Variants in ZNF606 observed in about 807,000 individuals in gnomAD.
ZNF606 encodes zinc finger protein 328.
In ZNF606, 37 loss-of-function variants were observed where a neutral mutation model predicts 74.9. That is an observed-to-expected ratio of 0.49 (90% CI 0.38 to 0.65). The LOEUF is 0.65. ZNF606 is among the 30% of genes least tolerant of loss of function. The pLI is 0.00. For synonymous variants in ZNF606, 328 were observed against 312.4 expected, an observed-to-expected ratio of 1.05 and a Z score of -0.53; for missense variants, 852 against 952.9, an observed-to-expected ratio of 0.89 and a Z score of 1.39.
chr19:57,982,976 C>T (rs1243499658), intron 6 of ZNF606, among the ~76,000 whole-genome samples: 2 of 142,958 alleles, frequency 1.4e-5, no homozygotes, highest in African/African-American at 5.2e-5. Flanking sequence ...AGGTTCTACT[C>T]TGCACAACTG....
chr19:58,000,444 C>T (rs1237562155), intron 3 of ZNF606: 5 of 609,470 alleles, frequency 8.2e-6, no homozygotes, highest in African/African-American at 5.5e-5. Flanking sequence ...CCAGGATGGT[C>T]TCGATCTCCT....
At chr19:57,985,998 T>C (rs2073158343) in intron 6 of ZNF606, among the ~76,000 whole-genome samples, 1 of 151,610 alleles carries the variant, frequency 6.6e-6, no homozygotes, top group African/African-American at 2.4e-5. Flanking sequence ...AGAGAAGAAA[T>C]TCATCACGTA....
rs1387895857 is a variant in ZNF606, at chr19:57,980,853, AAT to A, written c.401-576_401-575del. On this transcript the variant is annotated intron_variant, in intron 6 of 6. Transcript: ENST00000551380. ...CCGTCTCAAAAAAAAAAAAAAAAAA[AAT>A]GTGCAAGAAAGAGTTAACTCTGCAG... Among the ~76,000 whole-genome samples, 6 of 149,114 alleles carry A rather than the reference AAT, an allele frequency of 4.0e-5. No homozygotes were observed. The East Asian group carries it at 5.8e-4, about 14-fold the overall frequency.
chr19:57,987,422 A>C (rs2073180736), intron 6 of ZNF606, among the ~76,000 whole-genome samples: 1 of 151,976 alleles, frequency 6.6e-6, no homozygotes, highest in Admixed American at 6.6e-5. Flanking sequence ...TTTTTTAATA[A>C]AGGAGATTTT....
intron 6 of ZNF606, among the ~76,000 whole-genome samples, chr19:57,983,559 C>A (rs1482083852): frequency 1.8e-4 from 26 of 145,410 alleles, no homozygotes; most frequent in African/African-American, 6.1e-4. Context: ...GCCTGGGCAA[C>A]AAGGGCAAAA....
rs550660541 is a variant in ZNF606 at position 57,988,583 on chromosome 19, C to T, written c.304+12G>A. ...GGAACAGCTTCGTTTACTTGGGCAG[C>T]ACCTGCCTTACCCACAGAGAGCAGG... On this transcript the variant is annotated intron_variant, in intron 5 of 6. Transcript: ENST00000551380. 2 of 1,610,570 alleles carry T rather than the reference C, an allele frequency of 1.2e-6. No individual in the cohort carries two copies. Among genetic ancestry groups the T allele is most frequent in the Non-Finnish European group, 1.7e-6 (2 of 1,177,792 alleles).
At chr19:58,003,290 C>G (rs963135734), upstream of ZNF606, 3 of 456,628 alleles carry the variant, frequency 6.6e-6, no homozygotes, top group East Asian at 6.9e-5. Flanking sequence ...AAGTCTCTTT[C>G]CAGAGGCCAG....
chr19:57,985,694 C>T (rs968532759), intron 6 of ZNF606, among the ~76,000 whole-genome samples: 2 of 150,094 alleles, frequency 1.3e-5, no homozygotes, highest in South Asian at 2.1e-4. Flanking sequence ...TTTGGGAGGG[C>T]GAGGTGGGTG....
chr19:57,994,352 G>A (rs1361439812), intron 4 of ZNF606, among the ~76,000 whole-genome samples: 1 of 151,954 alleles, frequency 6.6e-6, no homozygotes, highest in Non-Finnish European at 1.5e-5. Flanking sequence ...GAAGAGCCCA[G>A]AAAGAGAACC....
chr19:57,995,790 G>C (rs1306102424), intron 4 of ZNF606, among the ~76,000 whole-genome samples: 2 of 152,242 alleles, frequency 1.3e-5, no homozygotes, highest in East Asian at 3.9e-4. Context: ...CTGCACTCCA[G>C]TATGGGCAAT....
chr19:57,993,731 C>T (rs2123322235), intron 4 of ZNF606, among the ~76,000 whole-genome samples: 1 of 152,368 alleles, frequency 6.6e-6, no homozygotes, highest in South Asian at 2.1e-4. Context: ...GAGACCTCTT[C>T]AGTCCCACCA....
Position 57,980,081 on chromosome 19 carries a change from A to G in ZNF606, c.599T>C (p.Met200Thr), listed in dbSNP as rs1358785633. ...TCTCTGGGATAGTACTTGCTTTTGC[A>G]TGAAGACCATCTGCCTCATAGCTGT... ...QSTAMRQMVF[M>T]QKQVLSQRSS... Residue 200 changes from methionine to threonine, a missense_variant, in exon 7 of 7, where the codon ATG (methionine) becomes ACG (threonine). Met to Thr is a moderately conservative substitution (Grantham distance 81). Transcript: ENST00000551380. 9 of 1,613,916 alleles carry G rather than the reference A, an allele frequency of 5.6e-6. No homozygotes were observed. The highest frequency in any genetic ancestry group is 6.8e-6 in the Non-Finnish European group (8 of 1,180,038).
intron 4 of ZNF606, among the ~76,000 whole-genome samples, chr19:57,994,242 G>A (rs1238028637): frequency 1.3e-5 from 2 of 151,990 alleles, no homozygotes; most frequent in African/African-American, 4.8e-5. Flanking sequence ...GCTGTGGTGA[G>A]AACATGATCA....
intron 4 of ZNF606, 99 bp from the exon 5 acceptor site, chr19:57,988,820 T>G: frequency 6.4e-7 from 1 of 1,573,954 alleles, no homozygotes; most frequent in Non-Finnish European, 8.6e-7. Flanking sequence ...GAAGACAGGA[T>G]GTAGAGAAAC....
intron 6 of ZNF606, among the ~76,000 whole-genome samples, chr19:57,984,898 T>C (rs2123284742): frequency 6.6e-6 from 1 of 152,188 alleles, no homozygotes. Context: ...ATCAAGACCA[T>C]CCTGGCTAAC....
At chr19:58,001,697 T>C (rs944810878) in intron 1 of ZNF606, among the ~76,000 whole-genome samples, 1 of 152,156 alleles carries the variant, frequency 6.6e-6, no homozygotes, top group Non-Finnish European at 1.5e-5. Context: ...CATATATTAG[T>C]GGTTGCCTAG....
At chr19:58,003,232 A>G (rs755017625), upstream of ZNF606, 1 of 456,548 alleles carries the variant, frequency 2.2e-6, no homozygotes, top group Non-Finnish European at 4.4e-6. Flanking sequence ...AATTCGAGCT[A>G]CCCTTCTCTG....
chr19:57,988,957 G>A (rs994888544), intron 4 of ZNF606, among the ~76,000 whole-genome samples: 7 of 152,158 alleles, frequency 4.6e-5, no homozygotes, highest in African/African-American at 1.7e-4. Flanking sequence ...CAGCAAAGCT[G>A]AGCAGGTCTC....
rs773157633 is a variant in ZNF606 at position 57,999,850 on chromosome 19, C to T, written c.135G>A (p.Glu45=). The T allele has an allele frequency of 6.2e-7, 1 of 1,614,086 alleles. No homozygotes were observed. ...YPAWHVEGSL[E]EGRRATGLPA... ...GGAGCCCAGTGGCCCTCCTCCCCTC[C>T]TCCAGGCTTCCCTCCACGTGCCAGG... The change falls in exon 4 of 7, where the codon GAG becomes GAA. Residue 45 remains glutamate, a synonymous_variant. Coordinates refer to ENST00000551380, the MANE Select transcript of ZNF606 (RefSeq NM_001348022.3).
Sources: gnomAD v4.1 joint callset for allele counts (sites outside exome capture counted in the v4.1 genomes callset) on GRCh38, gnomAD v4.1.1 for gene constraint, MANE v1.5 for transcripts, NCBI Gene and HGNC (gene_info 2026-07-23, HGNC 2026-07-21) for gene names.